The following CNTNAP5 variants were observed in gnomAD, a reference collection of about 807,000 sequenced individuals.
The protein encoded by CNTNAP5 is contactin-associated protein-like 5.
A neutral mutation model predicts 150.2 loss-of-function variants in CNTNAP5; 72 were observed. The observed-to-expected ratio is 0.48, with a 90% CI of 0.40 to 0.58. The LOEUF is 0.58. Ranked by LOEUF, CNTNAP5 falls within the 20% of genes least tolerant of loss-of-function variation. The pLI is 0.00. For synonymous variants in CNTNAP5, 672 were observed against 619.8 expected (o/e 1.08, Z -1.25); for missense variants, 1,636 against 1,626.2 (o/e 1.01, Z -0.10).
At chr2:124,149,227 AT>A (rs1010056884) in intron 1 of CNTNAP5, among the ~76,000 whole-genome samples, 2 of 152,090 alleles carry the variant, frequency 1.3e-5, no homozygotes, top group South Asian at 2.1e-4. Flanking sequence ...CCTTCCAGTC[AT>A]TACATTTTGG....
chr2:124,236,099 G>T (rs1686739775), intron 2 of CNTNAP5, among the ~76,000 whole-genome samples: 1 of 152,042 alleles, frequency 6.6e-6, no homozygotes, highest in African/African-American at 2.4e-5. Flanking sequence ...CCGAGTAGCT[G>T]GGATTACAGG....
chr2:124,189,521 G>A (rs77407546), intron 1 of CNTNAP5, among the ~76,000 whole-genome samples: 1,710 of 152,260 alleles, frequency 0.011, 40 homozygotes, highest in African/African-American at 0.039. Flanking sequence ...CATTAACTCT[G>A]AAAGTTTTTG....
At chr2:124,376,002 C>T (rs780059) in intron 3 of CNTNAP5, among the ~76,000 whole-genome samples, 39,200 of 151,868 alleles carry the variant, frequency 0.26, 6,044 homozygotes, top group South Asian at 0.49. Flanking sequence ...GCACTGGAAT[C>T]AGGTTTGGAT....
intron 11 of CNTNAP5, among the ~76,000 whole-genome samples, chr2:124,587,723 G>A (rs1696569265): frequency 6.6e-6 from 1 of 152,136 alleles, no homozygotes; most frequent in Non-Finnish European, 1.5e-5. Context: ...TGAATTCAGA[G>A]TAATCAGCCT....
At chr2:124,844,942 C>A (rs376296126) in intron 19 of CNTNAP5, among the ~76,000 whole-genome samples, 32 of 152,088 alleles carry the variant, frequency 2.1e-4, no homozygotes, top group East Asian at 1.5e-3. Context: ...AGTTTGATTT[C>A]CTCTTACCAA....
chr2:124,780,788 A>G (rs1681433353), intron 17 of CNTNAP5, among the ~76,000 whole-genome samples: 1 of 152,238 alleles, frequency 6.6e-6, no homozygotes, highest in South Asian at 2.1e-4. Context: ...AAAGCTGACC[A>G]CACTCCTAAC....
chr2:124,781,153 A>T (rs1490307482), intron 17 of CNTNAP5, among the ~76,000 whole-genome samples: 1 of 152,036 alleles, frequency 6.6e-6, no homozygotes, highest in African/African-American at 2.4e-5. Flanking sequence ...CACTGAGCAA[A>T]TATTTTCCAA....
rs114955395 is a variant in CNTNAP5, at chr2:124,576,446, T to G, written c.1756+13123T>G. ...TTACTGCATGTTTACTAAATGGGCA[T>G]TCAATGGAATAACTGTTACATAACA... On this transcript the variant is annotated intron_variant, in intron 11 of 23. Transcript: ENST00000682447. Among the ~76,000 whole-genome samples, 1,381 of 152,244 alleles carry G rather than the reference T, an allele frequency of 9.1e-3. 23 individuals carry two copies. The highest frequency in any genetic ancestry group is 0.031 in the African/African-American group (1,276 of 41,538).
intron 3 of CNTNAP5, among the ~76,000 whole-genome samples, chr2:124,274,657 T>C (rs1687842872): frequency 6.6e-6 from 1 of 152,194 alleles, no homozygotes; most frequent in Admixed American, 6.5e-5. Flanking sequence ...ACTTAATTCA[T>C]AAGTATGTCT....
At chr2:124,485,338 G>T (rs1163458286) in intron 7 of CNTNAP5, among the ~76,000 whole-genome samples, 1 of 152,126 alleles carries the variant, frequency 6.6e-6, no homozygotes, top group Non-Finnish European at 1.5e-5. Flanking sequence ...TACCGGCCGG[G>T]CACGGTGGCT....
chr2:124,858,200 G>C (rs1279830169), intron 19 of CNTNAP5, among the ~76,000 whole-genome samples: 3 of 152,188 alleles, frequency 2.0e-5, no homozygotes, highest in East Asian at 3.9e-4. Flanking sequence ...GGAAGTTCTG[G>C]CCAGGGCAAT....
intron 13 of CNTNAP5, among the ~76,000 whole-genome samples, chr2:124,662,286 C>T (rs886364355): frequency 1.3e-5 from 2 of 152,146 alleles, no homozygotes; most frequent in Non-Finnish European, 2.9e-5. Context: ...CTGTGATAAA[C>T]ATACGTGTGC....
chr2:124,348,109 T>C (rs1689787231), intron 3 of CNTNAP5, among the ~76,000 whole-genome samples: 1 of 152,130 alleles, frequency 6.6e-6, no homozygotes, highest in South Asian at 2.1e-4. Context: ...TTACCCACAA[T>C]AGTACTCATA....
intron 4 of CNTNAP5, among the ~76,000 whole-genome samples, chr2:124,433,454 T>G (rs1363916195): frequency 6.6e-6 from 1 of 152,158 alleles, no homozygotes; most frequent in Non-Finnish European, 1.5e-5. Context: ...TTCTAGATCC[T>G]TGGAAAAAAA....
intron 3 of CNTNAP5, among the ~76,000 whole-genome samples, chr2:124,329,866 G>A (rs746494793): frequency 6.3e-4 from 96 of 152,132 alleles, no homozygotes; most frequent in Non-Finnish European, 1.1e-3. Flanking sequence ...TAGTCTACAA[G>A]CTAGTTTTTT....
At chr2:124,035,381 C>G (rs1573706632) in intron 1 of CNTNAP5, among the ~76,000 whole-genome samples, 2 of 135,242 alleles carry the variant, frequency 1.5e-5, no homozygotes, top group African/African-American at 5.5e-5. Flanking sequence ...TCTCTCTTCC[C>G]CATGTTCTTC....
At position 124,894,393 on chromosome 2, in the gene CNTNAP5, A is replaced by G. The variant is rs151115960; in HGVS notation, c.3437-8489A>G. Among the ~76,000 whole-genome samples the G allele has an allele frequency of 1.4e-3, 207 of 151,602 alleles. 7 individuals carry two copies. The highest frequency in any genetic ancestry group is 5.0e-3 in the African/African-American group (203 of 40,956). On this transcript the variant is annotated intron_variant, in intron 21 of 23. Coordinates refer to ENST00000682447, the MANE Select transcript of CNTNAP5 (RefSeq NM_001367498.1). The stretch of plus-strand genomic sequence containing the variant: ...TTGCTCATTTCCTTTAATAAAGTAA[A>G]CAACATAGCTGTAAACCAGTACACA...
At chr2:124,451,649 C>A (rs1018693766) in intron 6 of CNTNAP5, among the ~76,000 whole-genome samples, 2 of 152,016 alleles carry the variant, frequency 1.3e-5, no homozygotes, top group African/African-American at 4.8e-5. Flanking sequence ...CCGGAGGACA[C>A]ACAGACCCTC....
At chr2:124,571,248 C>G (rs1350475673) in intron 11 of CNTNAP5, among the ~76,000 whole-genome samples, 4 of 152,036 alleles carry the variant, frequency 2.6e-5, no homozygotes, top group African/African-American at 9.7e-5. Context: ...GGAGGGAGGT[C>G]CATAGGGAAT....
Sources: allele counts gnomAD v4.1 joint callset (sites outside exome capture counted in the v4.1 genomes callset), GRCh38; gene constraint gnomAD v4.1.1; transcripts MANE v1.5; gene names NCBI Gene and HGNC (gene_info 2026-07-23, HGNC 2026-07-21).